The following CSMD3 variants were observed in gnomAD, a reference collection of about 807,000 sequenced individuals.
The protein encoded by CSMD3 is CUB and sushi domain-containing protein 3.
Under a neutral mutation model 435.2 loss-of-function variants are expected in CSMD3, and 177 were observed. The ratio of observed to expected loss-of-function variants is 0.41; its 90% CI spans 0.36 to 0.46. CSMD3 has a LOEUF of 0.46. CSMD3 is among the 20% of genes least tolerant of loss of function. The probability of loss-of-function intolerance (pLI) is 0.34; values close to 1 mark genes in which losing one functional copy is unlikely to be tolerated. For missense variants in CSMD3, 4,265 were observed against 4,504.6 expected (o/e 0.95, Z 1.52); for synonymous variants, 1,656 against 1,520.5 (o/e 1.09, Z -2.07).
At position 112,231,760 on chromosome 8, in the gene CSMD3, C is replaced by T. The variant is rs111881004; in HGVS notation, c.10741-128G>A. ...AAGTTCCTTTCTTCTATATTTTTCT[C>T]CTTTGCAAAATATAGCACATTGTGA... is the stretch of plus-strand genomic sequence containing the variant. On this transcript the variant is annotated intron_variant, in intron 68 of 70. Transcript: ENST00000297405. The T allele has an allele frequency of 3.1e-4, 219 of 714,548 alleles. 1 individual carries two copies. In the African/African-American group the frequency reaches 3.3e-3, roughly 11 times the overall value. 44.3% of individuals were successfully genotyped at this position (714,548 alleles called of 1,614,324 possible). A position where few individuals can be genotyped will look rare whatever the true frequency, so the allele number is the denominator to read the frequency against.
intron 3 of CSMD3, among the ~76,000 whole-genome samples, chr8:113,269,598 G>A (rs2093502472): frequency 6.6e-6 from 1 of 151,990 alleles, no homozygotes; most frequent in African/African-American, 2.4e-5. Flanking sequence ...CATGGTACTG[G>A]TACCAAAACA....
intron 5 of CSMD3, among the ~76,000 whole-genome samples, chr8:113,077,337 C>T (rs923265948): frequency 6.6e-6 from 1 of 150,680 alleles, no homozygotes; most frequent in Non-Finnish European, 1.5e-5. Flanking sequence ...TAAAAAGTTA[C>T]TAAAAGCAAA....
chr8:112,699,133 A>G (rs753880664), intron 13 of CSMD3, among the ~76,000 whole-genome samples: 18 of 152,202 alleles, frequency 1.2e-4, no homozygotes, highest in Non-Finnish European at 1.8e-4. Flanking sequence ...GTCCCCTTCC[A>G]TGCTGTGGAA....
At chr8:112,717,374 T>C (rs901497155) in intron 13 of CSMD3, among the ~76,000 whole-genome samples, 1 of 152,120 alleles carries the variant, frequency 6.6e-6, no homozygotes, top group Non-Finnish European at 1.5e-5. Context: ...TGAGATACTA[T>C]CTCTTGCCAG....
chr8:112,613,628 G>T (rs1833435304), intron 22 of CSMD3, among the ~76,000 whole-genome samples: 1 of 152,106 alleles, frequency 6.6e-6, no homozygotes, highest in Non-Finnish European at 1.5e-5. Flanking sequence ...CTTTGCAAGA[G>T]AAATACTATG....
chr8:113,191,285 T>G (rs1166387082), intron 3 of CSMD3, among the ~76,000 whole-genome samples: 2 of 151,784 alleles, frequency 1.3e-5, no homozygotes, highest in Admixed American at 1.3e-4. Flanking sequence ...TGTGCAGGTT[T>G]GTTACACGGG....
intron 32 of CSMD3, among the ~76,000 whole-genome samples, chr8:112,458,940 T>C (rs955888763): frequency 6.6e-6 from 1 of 152,056 alleles, no homozygotes; most frequent in African/African-American, 2.4e-5. Flanking sequence ...TACACTAGAA[T>C]ATTGACATAC....
chr8:113,112,454 TACACAC>T (rs1194208817), intron 4 of CSMD3, among the ~76,000 whole-genome samples: 3 of 45,340 alleles, frequency 6.6e-5, no homozygotes, highest in Non-Finnish European at 1.2e-4. Context: ...TATATGTATA[TACACAC>T]ACACACACAC....
chr8:113,150,147 C>G (rs1318770053), intron 4 of CSMD3, among the ~76,000 whole-genome samples: 1 of 151,858 alleles, frequency 6.6e-6, no homozygotes, highest in East Asian at 1.9e-4. Flanking sequence ...GAGATATACA[C>G]TTTTGTATAA....
chr8:112,661,062 T>C (rs6985219), intron 17 of CSMD3, among the ~76,000 whole-genome samples: 80,453 of 152,002 alleles, frequency 0.53, 22,356 homozygotes, highest in African/African-American at 0.71. Context: ...TTCCTGTGCA[T>C]AAATCCTACA....
chr8:112,390,967 ATAAT>A (rs1830363441), intron 35 of CSMD3, among the ~76,000 whole-genome samples, 179 bp from the exon 36 acceptor site: 1 of 152,218 alleles, frequency 6.6e-6, no homozygotes, highest in African/African-American at 2.4e-5. Context: ...ACGATAACAA[ATAAT>A]TAGACAGCAT....
rs2130065364 is a variant in CSMD3 at position 112,408,399 on chromosome 8, G to C, written c.5524C>G (p.Leu1842Val). 1.2e-6 allele frequency: 2 copies of C among 1,605,604 alleles called. No individual in the cohort carries two copies. Among genetic ancestry groups the C allele is most frequent in the Middle Eastern group, 3.3e-4 (2 of 6,036 alleles). ...ATTGTGATCTGATTACCTGAACTCA[G>C]TGGAAGTGATTCTCCTACTCAACAA... ...SGSHSGESLP[L>V]SSGNQITIRF... The change falls in exon 34 of 71, where the codon CTG (leucine) becomes GTG (valine). Residue 1842 changes from leucine (L) to valine (V), a missense_variant. Transcript: ENST00000297405.
chr8:113,129,780 G>C (rs1172058456), intron 4 of CSMD3, among the ~76,000 whole-genome samples: 2 of 152,032 alleles, frequency 1.3e-5, no homozygotes, highest in African/African-American at 4.8e-5. Flanking sequence ...GGAGGGGAGA[G>C]TGGAGGATGA....
chr8:112,337,492 A>G (rs1323872102), intron 43 of CSMD3, 51 bp downstream of exon 43: 1 of 1,452,854 alleles, frequency 6.9e-7, no homozygotes, highest in South Asian at 1.1e-5. Flanking sequence ...CCAAAACAAT[A>G]TTAAAAACAG....
At chr8:112,308,559 T>C (rs1474914327) in intron 50 of CSMD3, among the ~76,000 whole-genome samples, 2 of 152,050 alleles carry the variant, frequency 1.3e-5, no homozygotes, top group Non-Finnish European at 2.9e-5. Flanking sequence ...GTCATCATAA[T>C]TGAGTGGTTG....
intron 10 of CSMD3, among the ~76,000 whole-genome samples, chr8:112,876,991 G>A (rs2130133424): frequency 6.6e-6 from 1 of 152,238 alleles, no homozygotes; most frequent in Non-Finnish European, 1.5e-5. Context: ...CAAATCATAA[G>A]TGAACTCCCA....
At chr8:112,503,754 T>G (rs1563628282) in intron 30 of CSMD3, 36 bp downstream of exon 30, 4 of 1,457,356 alleles carry the variant, frequency 2.7e-6, no homozygotes, top group Non-Finnish European at 3.8e-6. Flanking sequence ...ATCTATAATT[T>G]AAATCATGAT....
chr8:113,045,497 T>TCTAG (rs1449925434), intron 5 of CSMD3, among the ~76,000 whole-genome samples: 4 of 149,634 alleles, frequency 2.7e-5, no homozygotes, highest in African/African-American at 9.7e-5. Flanking sequence ...CTAATTTTAC[T>TCTAG]CTAGTCTATG....
intron 9 of CSMD3, among the ~76,000 whole-genome samples, chr8:112,939,947 A>G (rs1208987482): frequency 6.6e-6 from 1 of 151,988 alleles, no homozygotes; most frequent in East Asian, 1.9e-4. Flanking sequence ...AAGAACTGCC[A>G]CAGATGTAGG....
Sources: allele counts gnomAD v4.1 joint callset (sites outside exome capture counted in the v4.1 genomes callset), GRCh38; gene constraint gnomAD v4.1.1; transcripts MANE v1.5; gene names NCBI Gene and HGNC (gene_info 2026-07-23, HGNC 2026-07-21).